Variants in WDR64 observed in about 807,000 individuals in gnomAD.
WDR64 encodes WD repeat-containing protein 64.
A neutral mutation model predicts 139.3 loss-of-function variants in WDR64; 112 were observed. The observed-to-expected ratio is 0.80, with a 90% CI of 0.69 to 0.94. The LOEUF (loss-of-function observed/expected upper bound fraction) is 0.94. Among genes scored for constraint, WDR64 ranks in the 40% least tolerant of loss-of-function variants. The pLI is 0.00. For synonymous variants in WDR64, 444 were observed against 437.7 expected (o/e 1.01, Z -0.18); for missense variants, 1,206 against 1,293.1 (o/e 0.93, Z 1.03).
At chr1:241,688,883 T>C (rs893284369) in intron 8 of WDR64, among the ~76,000 whole-genome samples, 1 of 152,176 alleles carries the variant, frequency 6.6e-6, no homozygotes, top group African/African-American at 2.4e-5. Flanking sequence ...TGAGTATCAG[T>C]GAAAAATTCT....
chr1:241,669,877 C>G (rs996599259), intron 2 of WDR64, among the ~76,000 whole-genome samples: 19 of 152,144 alleles, frequency 1.2e-4, no homozygotes, highest in Non-Finnish European at 2.1e-4. Context: ...TCATGAAAAG[C>G]TTGTTAGAAA....
rs553420862 is a variant in WDR64, at chr1:241,671,049, T to G, written c.277-25T>G. 2.9e-5 allele frequency: 43 copies of G among 1,462,022 alleles called. No homozygotes were observed. In the African/African-American group the frequency reaches 4.4e-4, roughly 15 times the overall value. 90.6% of individuals were successfully genotyped at this position (1,462,022 alleles called of 1,614,324 possible). On this transcript the variant is annotated intron_variant, in intron 2 of 27. Coordinates refer to ENST00000437684, the MANE Select transcript of WDR64 (RefSeq NM_001367482.1). ...GCTAATTCTGAGGCATGCTGCATAT[T>G]TATATGTGCTGTTTGGGATTTCAGA...
rs190826698 is a variant in WDR64, at chr1:241,729,284, C to A, written c.1194+5848C>A. ...AAGGGGCTCCCAGTTGCAGGTGGCC[C>A]ATTAGAAAGCACTTGTAGACCTCTT... On this transcript the variant is annotated intron_variant, in intron 10 of 27. Coordinates refer to ENST00000437684, the MANE Select transcript of WDR64 (RefSeq NM_001367482.1). 3.4e-3 allele frequency among the ~76,000 whole-genome samples: 520 copies of A among 152,252 alleles called. 2 individuals carry two copies. The highest frequency in any genetic ancestry group is 0.012 in the African/African-American group (500 of 41,548).
chr1:241,784,595 T>C (rs1658963781), intron 23 of WDR64, among the ~76,000 whole-genome samples: 1 of 152,142 alleles, frequency 6.6e-6, no homozygotes. Flanking sequence ...AACGTTGAAT[T>C]CAAGATGAAT....
chr1:241,750,989 GTAT>G (rs1324402238), intron 14 of WDR64, among the ~76,000 whole-genome samples: 2 of 151,972 alleles, frequency 1.3e-5, no homozygotes, highest in African/African-American at 4.8e-5. Flanking sequence ...TATTATTAGT[GTAT>G]TACTATTATT....
At chr1:241,655,267 C>T (rs1665539375) in intron 1 of WDR64, among the ~76,000 whole-genome samples, 1 of 152,100 alleles carries the variant, frequency 6.6e-6, no homozygotes, top group Admixed American at 6.5e-5. Flanking sequence ...CCTGTAGTCC[C>T]AGCTACTCGG....
At chr1:241,681,978 T>C (rs999639673) in intron 6 of WDR64, among the ~76,000 whole-genome samples, 1 of 152,172 alleles carries the variant, frequency 6.6e-6, no homozygotes, top group Non-Finnish European at 1.5e-5. Context: ...TGAGATTGTT[T>C]GTTTTTTTTC....
At chr1:241,735,612 G>A (rs1387501105) in intron 10 of WDR64, among the ~76,000 whole-genome samples, 1 of 137,464 alleles carries the variant, frequency 7.3e-6, no homozygotes, top group African/African-American at 2.8e-5. Context: ...TTGGCTCACT[G>A]CAACTTCCAC....
chr1:241,755,741 G>C (rs1002983709), intron 14 of WDR64, among the ~76,000 whole-genome samples: 1 of 152,148 alleles, frequency 6.6e-6, no homozygotes, highest in Non-Finnish European at 1.5e-5. Context: ...TTTGTATAAG[G>C]TGTAAGGAAG....
At chr1:241,718,730 T>C (rs1441902651) in intron 9 of WDR64, among the ~76,000 whole-genome samples, 4 of 152,168 alleles carry the variant, frequency 2.6e-5, no homozygotes, top group Admixed American at 1.3e-4. Context: ...TTCTGGAGGC[T>C]AGAAGTGCAG....
chr1:241,766,467 T>G (rs1161095935), intron 16 of WDR64, 116 bp downstream of exon 16: 4 of 1,185,446 alleles, frequency 3.4e-6, no homozygotes, highest in Non-Finnish European at 3.4e-6. Flanking sequence ...ACCCAGAACT[T>G]TGGGAGGAGG....
intron 4 of WDR64, among the ~76,000 whole-genome samples, chr1:241,675,453 C>T (rs749209841): frequency 2.6e-5 from 4 of 152,036 alleles, no homozygotes; most frequent in African/African-American, 9.7e-5. Flanking sequence ...TGCTCTGTGG[C>T]AATTCTTTGA....
Position 241,742,445 on chromosome 1 carries a change from A to C in WDR64, c.1470+781A>C, listed in dbSNP as rs138498519. On this transcript the variant is annotated intron_variant, in intron 12 of 27. Coordinates refer to ENST00000437684, the MANE Select transcript of WDR64 (RefSeq NM_001367482.1). ...CTGATAAAACGAGTTGCAGTAAAGA[A>C]GCCAGCCAAAACCCACCAAAACCAA... is the stretch of plus-strand genomic sequence containing the variant. Among the ~76,000 whole-genome samples, 1,209 of 152,292 alleles carry C rather than the reference A, an allele frequency of 7.9e-3. 11 individuals are homozygous for C. The highest frequency in any genetic ancestry group is 0.027 in the African/African-American group (1,141 of 41,562).
At chr1:241,711,589 C>T (rs1668170383) in intron 8 of WDR64, among the ~76,000 whole-genome samples, 1 of 152,126 alleles carries the variant, frequency 6.6e-6, no homozygotes, top group Non-Finnish European at 1.5e-5. Flanking sequence ...TAAACAGGAA[C>T]AATACAAAGT....
chr1:241,773,983 T>C (rs1279280830), intron 20 of WDR64, among the ~76,000 whole-genome samples: 1 of 152,220 alleles, frequency 6.6e-6, no homozygotes. Context: ...TATTGCATCG[T>C]ATTGAGTGTT....
chr1:241,757,207 A>G (rs528279711), intron 14 of WDR64, 76 bp from the exon 15 acceptor site: 2 of 1,332,812 alleles, frequency 1.5e-6, no homozygotes, highest in East Asian at 5.0e-5. Context: ...TGTAGGTTCT[A>G]TTTTCTCTAT....
intron 27 of WDR64, among the ~76,000 whole-genome samples, chr1:241,799,054 T>A (rs1177088287): frequency 6.6e-6 from 1 of 151,746 alleles, no homozygotes; most frequent in Admixed American, 6.6e-5. Context: ...GAAAACATAC[T>A]CCATAGTTTT....
intron 22 of WDR64, among the ~76,000 whole-genome samples, chr1:241,781,773 T>C (rs1658853975): frequency 6.9e-6 from 1 of 143,992 alleles, no homozygotes; most frequent in African/African-American, 2.5e-5. Context: ...TGGAATGCAA[T>C]GCAGTAGAAC....
chr1:241,798,311 C>A (rs1252131003), intron 27 of WDR64, among the ~76,000 whole-genome samples: 1 of 152,188 alleles, frequency 6.6e-6, no homozygotes, highest in Non-Finnish European at 1.5e-5. Flanking sequence ...AAAATCCTCA[C>A]ATAAAACTCT....
Sources: allele counts gnomAD v4.1 joint callset (sites outside exome capture counted in the v4.1 genomes callset), GRCh38; gene constraint gnomAD v4.1.1; transcripts MANE v1.5; gene names NCBI Gene and HGNC (gene_info 2026-07-23, HGNC 2026-07-21).